The following TRPM3 variants were observed in gnomAD, a reference collection of about 807,000 sequenced individuals.
TRPM3 encodes long transient receptor potential channel 3.
Under a neutral mutation model 181.2 loss-of-function variants are expected in TRPM3, and 77 were observed. The ratio of observed to expected loss-of-function variants is 0.42; its 90% CI spans 0.35 to 0.51. The LOEUF (loss-of-function observed/expected upper bound fraction) is 0.51. Among genes scored for constraint, TRPM3 ranks in the 20% least tolerant of loss-of-function variants. The probability of loss-of-function intolerance (pLI) is 0.01; values close to 1 mark genes in which losing one functional copy is unlikely to be tolerated. For synonymous variants in TRPM3, 745 were observed against 796.4 expected, an observed-to-expected ratio of 0.94 and a Z score of 1.09; for missense variants, 1,759 against 2,196.7, an observed-to-expected ratio of 0.80 and a Z score of 3.98.
At chr9:70,794,380 T>TCCCCAGCTTCTGGAGAGCAG (rs2086460601) in intron 6 of TRPM3, among the ~76,000 whole-genome samples, 1 of 152,206 alleles carries the variant, frequency 6.6e-6, no homozygotes, top group Non-Finnish European at 1.5e-5. Context: ...TCTCTGAATA[T>TCCCCAGCTTCTGGAGAGCAG]CCCCAGCTTC....
intron 22 of TRPM3, among the ~76,000 whole-genome samples, chr9:70,585,446 G>A (rs1215975267): frequency 6.6e-6 from 1 of 152,086 alleles, no homozygotes; most frequent in East Asian, 1.9e-4. Context: ...AGAGTTCTAT[G>A]TGCAAAATAG....
chr9:71,446,588 G>C, intron 1 of TRPM3: 1 of 1,495,398 alleles, frequency 6.7e-7, no homozygotes. Flanking sequence ...ACCATGGAAA[G>C]GGCTCAAGTC....
chr9:70,898,032 G>C (rs551569808), intron 1 of TRPM3, among the ~76,000 whole-genome samples: 1 of 152,164 alleles, frequency 6.6e-6, no homozygotes, highest in East Asian at 1.9e-4. Flanking sequence ...CCCGACCAGT[G>C]ATACAATAAA....
At chr9:71,001,793 A>G (rs1299561782) in intron 1 of TRPM3, among the ~76,000 whole-genome samples, 1 of 152,196 alleles carries the variant, frequency 6.6e-6, no homozygotes, top group East Asian at 1.9e-4. Context: ...TATGTCATCT[A>G]TTGTGTGGTG....
At chr9:70,617,219 C>T (rs1026602539) in intron 17 of TRPM3, among the ~76,000 whole-genome samples, 5 of 152,176 alleles carry the variant, frequency 3.3e-5, no homozygotes, top group African/African-American at 1.2e-4. Context: ...GACACCCTGT[C>T]CTCGGAGCTG....
At chr9:70,812,749 T>C (rs1335777743) in intron 6 of TRPM3, among the ~76,000 whole-genome samples, 1 of 152,180 alleles carries the variant, frequency 6.6e-6, no homozygotes, top group Non-Finnish European at 1.5e-5. Context: ...AATGGCATGC[T>C]GGTATTTTCA....
At chr9:70,575,969 A>G (rs1262305038) in intron 22 of TRPM3, among the ~76,000 whole-genome samples, 2 of 152,202 alleles carry the variant, frequency 1.3e-5, no homozygotes, top group African/African-American at 4.8e-5. Context: ...ATTCTGTGCA[A>G]TGCTGCTGGC....
At chr9:71,161,521 T>C (rs1366596718) in intron 1 of TRPM3, among the ~76,000 whole-genome samples, 1 of 152,180 alleles carries the variant, frequency 6.6e-6, no homozygotes, top group African/African-American at 2.4e-5. Context: ...TGTTACGTCC[T>C]TGAATAAACC....
intron 8 of TRPM3, among the ~76,000 whole-genome samples, chr9:70,741,246 C>T (rs569961715): frequency 6.6e-6 from 1 of 152,226 alleles, no homozygotes; most frequent in African/African-American, 2.4e-5. Flanking sequence ...AAATGCAAAT[C>T]AAAACCACAA....
chr9:70,541,060 G>A (rs933462674), intron 25 of TRPM3, among the ~76,000 whole-genome samples: 5 of 152,188 alleles, frequency 3.3e-5, no homozygotes, highest in Admixed American at 6.5e-5. Flanking sequence ...TTGCCTGGAC[G>A]TAGGCAGTAA....
intron 1 of TRPM3, among the ~76,000 whole-genome samples, chr9:71,278,992 C>T (rs1405166253): frequency 7.2e-6 from 1 of 139,330 alleles, no homozygotes; most frequent in Admixed American, 7.9e-5. Flanking sequence ...ATTGGTAAGA[C>T]TCATGTCAAG....
intron 1 of TRPM3, among the ~76,000 whole-genome samples, chr9:71,199,341 T>G (rs2078621770): frequency 2.6e-5 from 4 of 152,152 alleles, no homozygotes; most frequent in South Asian, 2.1e-4. Flanking sequence ...TCTCTTTTTT[T>G]GTTGTGTCTC....
At chr9:70,566,199 G>C (rs1820851947) in intron 22 of TRPM3, among the ~76,000 whole-genome samples, 1 of 152,162 alleles carries the variant, frequency 6.6e-6, no homozygotes, top group African/African-American at 2.4e-5. Context: ...ATACAGGGTA[G>C]GAAGGATCAG....
In TRPM3 at chr9:70,929,491, C is replaced by T. The variant is rs139501137; in HGVS notation, c.178-64980G>A. On this transcript the variant is annotated intron_variant, in intron 1 of 25. Coordinates refer to ENST00000677713, the MANE Select transcript of TRPM3 (RefSeq NM_001366145.2). ...TGCTGGGATTACAGGCGTGACCCAC[C>T]GGCCTTTTTAAAATTATTTTATTTA... 1.7e-3 allele frequency among the ~76,000 whole-genome samples: 258 copies of T among 152,162 alleles called. 1 individual carries two copies. Among genetic ancestry groups the T allele is most frequent in the Non-Finnish European group, 2.5e-3 (170 of 68,000 alleles).
At chr9:71,308,238 T>A (rs1288669352) in intron 1 of TRPM3, among the ~76,000 whole-genome samples, 1 of 152,170 alleles carries the variant, frequency 6.6e-6, no homozygotes, top group Admixed American at 6.5e-5. Flanking sequence ...TTTATATTTA[T>A]ATTCAATACA....
At chr9:71,169,644 T>C (rs766716142) in intron 1 of TRPM3, among the ~76,000 whole-genome samples, 13 of 151,820 alleles carry the variant, frequency 8.6e-5, no homozygotes, top group Middle Eastern at 6.8e-3. Context: ...GGAGGAAAAA[T>C]ATATACTGAT....
At chr9:70,687,466 G>T (rs187005530) in intron 8 of TRPM3, among the ~76,000 whole-genome samples, 1 of 152,080 alleles carries the variant, frequency 6.6e-6, no homozygotes, top group Non-Finnish European at 1.5e-5. Context: ...GTTTGCAACT[G>T]GGTAGTTGAT....
intron 1 of TRPM3, among the ~76,000 whole-genome samples, chr9:70,929,495 CT>C (rs1319931793): frequency 3.9e-5 from 6 of 152,076 alleles, no homozygotes; most frequent in Non-Finnish European, 7.4e-5. Context: ...ACCCACCGGC[CT>C]TTTTAAAATT....
At chr9:71,342,886 G>A (rs1442409193) in intron 1 of TRPM3, among the ~76,000 whole-genome samples, 1 of 152,012 alleles carries the variant, frequency 6.6e-6, no homozygotes, top group African/African-American at 2.4e-5. Context: ...ACTATTCAGT[G>A]ATAAAAAGAA....
Sources: allele counts gnomAD v4.1 joint callset (sites outside exome capture counted in the v4.1 genomes callset), GRCh38; gene constraint gnomAD v4.1.1; transcripts MANE v1.5; gene names NCBI Gene and HGNC (gene_info 2026-07-23, HGNC 2026-07-21).